The following CTNNA3 variants were observed in gnomAD, a reference collection of about 807,000 sequenced individuals.
The protein encoded by CTNNA3 is catenin alpha-3.
CTNNA3 carries 76 observed loss-of-function variants against 95.7 expected under a neutral mutation model. The ratio of observed to expected loss-of-function variants is 0.79; its 90% CI spans 0.66 to 0.96. The LOEUF is 0.96. Among genes scored for constraint, CTNNA3 ranks in the 40% least tolerant of loss-of-function variants. The pLI is 0.00. For synonymous variants in CTNNA3, 431 were observed against 374.4 expected, an observed-to-expected ratio of 1.15 and a Z score of -1.74; for missense variants, 1,191 against 1,089.8, an observed-to-expected ratio of 1.09 and a Z score of -1.31.
At chr10:66,230,468 A>G (rs1366484239) in intron 13 of CTNNA3, among the ~76,000 whole-genome samples, 1 of 152,150 alleles carries the variant, frequency 6.6e-6, no homozygotes, top group Non-Finnish European at 1.5e-5. Flanking sequence ...AATCAATGTC[A>G]TCAGTGTCTG....
intron 13 of CTNNA3, among the ~76,000 whole-genome samples, chr10:66,238,696 AT>A (rs1357624203): frequency 2.0e-5 from 3 of 151,234 alleles, no homozygotes; most frequent in Non-Finnish European, 3.0e-5. Flanking sequence ...ATATATATAT[AT>A]AATTTTTTTC....
At chr10:65,936,412 T>C (rs895299389) in intron 17 of CTNNA3, among the ~76,000 whole-genome samples, 1 of 152,080 alleles carries the variant, frequency 6.6e-6, no homozygotes. Context: ...GGTCTAGAAG[T>C]AGACTCTTGA....
At chr10:67,102,860 T>C (rs10997509) in intron 7 of CTNNA3, among the ~76,000 whole-genome samples, 84,100 of 151,576 alleles carry the variant, frequency 0.55, 24,685 homozygotes, top group African/African-American at 0.76. Context: ...GACGGTCTGA[T>C]TCCAGGTTTT....
chr10:67,002,731 AT>A (rs544059987), intron 7 of CTNNA3, among the ~76,000 whole-genome samples: 285 of 150,316 alleles, frequency 1.9e-3, no homozygotes, highest in African/African-American at 4.8e-3. Context: ...ACCAAGCAGA[AT>A]TTTTTTTTTA....
chr10:65,999,367 C>A (rs10822690), intron 15 of CTNNA3, among the ~76,000 whole-genome samples: 45,945 of 151,944 alleles, frequency 0.3, 7,190 homozygotes, highest in Non-Finnish European at 0.33. Flanking sequence ...ATCTAAGGAG[C>A]AGCTAAAGTA....
At chr10:67,188,142 G>C (rs1862949535) in intron 6 of CTNNA3, among the ~76,000 whole-genome samples, 1 of 152,208 alleles carries the variant, frequency 6.6e-6, no homozygotes, top group South Asian at 2.1e-4. Context: ...AGAGTAGTTA[G>C]TTAAGCACAG....
chr10:66,384,810 T>C (rs1439450926), intron 11 of CTNNA3, among the ~76,000 whole-genome samples: 1 of 151,960 alleles, frequency 6.6e-6, no homozygotes, highest in Non-Finnish European at 1.5e-5. Context: ...CACAACTACA[T>C]GGAAAATGAA....
At chr10:66,368,835 G>A (rs1219674805) in intron 12 of CTNNA3, among the ~76,000 whole-genome samples, 1 of 151,920 alleles carries the variant, frequency 6.6e-6, no homozygotes, top group Non-Finnish European at 1.5e-5. Flanking sequence ...TTTTACATAA[G>A]CATTTTGAGG....
At chr10:67,713,177 G>T (rs1230473526) in intron 1 of CTNNA3, among the ~76,000 whole-genome samples, 1 of 152,082 alleles carries the variant, frequency 6.6e-6, no homozygotes, top group African/African-American at 2.4e-5. Context: ...ACAAACAAAT[G>T]AAAAAAAGCT....
chr10:66,515,322 CCT>C (rs1275631536), intron 11 of CTNNA3, among the ~76,000 whole-genome samples: 1 of 131,570 alleles, frequency 7.6e-6, no homozygotes, highest in Non-Finnish European at 1.6e-5. Flanking sequence ...ATAGTCTCTC[CCT>C]CTCTGTCTCT....
intron 14 of CTNNA3, among the ~76,000 whole-genome samples, chr10:66,094,295 A>C (rs2081312684): frequency 6.6e-6 from 1 of 152,120 alleles, no homozygotes; most frequent in Non-Finnish European, 1.5e-5. Context: ...AATATAATGC[A>C]AATGAGAGCA....
At chr10:66,987,671 C>A (rs1850810292) in intron 7 of CTNNA3, among the ~76,000 whole-genome samples, 1 of 152,110 alleles carries the variant, frequency 6.6e-6, no homozygotes, top group South Asian at 2.1e-4. Context: ...ACCATTTTTC[C>A]ATTCAAAGAC....
At chr10:67,070,247 T>C (rs74141788) in intron 7 of CTNNA3, among the ~76,000 whole-genome samples, 1,696 of 152,266 alleles carry the variant, frequency 0.011, 38 homozygotes, top group African/African-American at 0.039. Context: ...TATTGGATTG[T>C]CTTTTGTCTT....
At chr10:66,868,059 A>G (rs556251883) in intron 7 of CTNNA3, among the ~76,000 whole-genome samples, 206 of 149,448 alleles carry the variant, frequency 1.4e-3, no homozygotes, top group African/African-American at 5.0e-3. Context: ...AATGATTGCT[A>G]TATAAAACTA....
rs141309318 is a variant in CTNNA3 at position 66,799,014 on chromosome 10, T to C, written c.1048-23490A>G. On this transcript the variant is annotated intron_variant, in intron 7 of 17. Transcript: ENST00000433211. ...AAACTATGAGAGAGCTTTCTTTGCATGTAGAGTAAAAAGGAAAAGAAAAAA... is the reference window on the plus strand; with the variant it reads ...AAACTATGAGAGAGCTTTCTTTGCACGTAGAGTAAAAAGGAAAAGAAAAAA... Among the ~76,000 whole-genome samples the C allele has an allele frequency of 4.7e-3, 713 of 151,758 alleles. 20 individuals carry two copies. Among genetic ancestry groups the C allele is most frequent in the Admixed American group, 0.044 (668 of 15,186 alleles).
intron 5 of CTNNA3, among the ~76,000 whole-genome samples, chr10:67,392,078 T>C (rs1435123489): frequency 6.6e-6 from 1 of 152,026 alleles, no homozygotes; most frequent in African/African-American, 2.4e-5. Flanking sequence ...ACTCAAGAGC[T>C]TCTGCACAGC....
At chr10:67,385,091 A>G (rs1298844808) in intron 5 of CTNNA3, among the ~76,000 whole-genome samples, 2 of 152,130 alleles carry the variant, frequency 1.3e-5, no homozygotes, top group African/African-American at 2.4e-5. Flanking sequence ...GCCTATTTTG[A>G]TAAGAAAAAG....
chr10:66,237,397 C>T (rs1331780618), intron 13 of CTNNA3, among the ~76,000 whole-genome samples: 4 of 152,094 alleles, frequency 2.6e-5, no homozygotes, highest in African/African-American at 9.7e-5. Context: ...TAAGATCAAG[C>T]AATGGCTTTA....
upstream of CTNNA3, among the ~76,000 whole-genome samples, chr10:67,700,978 C>A (rs369928460): frequency 6.6e-6 from 1 of 152,020 alleles, no homozygotes; most frequent in African/African-American, 2.4e-5. Flanking sequence ...ACGTGAAGAA[C>A]GCAGAAGCCT....
Sources: gnomAD v4.1 joint callset for allele counts (sites outside exome capture counted in the v4.1 genomes callset) on GRCh38, gnomAD v4.1.1 for gene constraint, MANE v1.5 for transcripts, NCBI Gene and HGNC (gene_info 2026-07-23, HGNC 2026-07-21) for gene names.